Variants in ZNF761 observed in about 807,000 individuals in gnomAD.
ZNF761 encodes the protein zinc finger protein 761.
In ZNF761, 43 loss-of-function variants were observed where a neutral mutation model predicts 59.9. The ratio of observed to expected loss-of-function variants is 0.72; its 90% CI spans 0.56 to 0.92. The LOEUF (loss-of-function observed/expected upper bound fraction) is 0.92, where lower values mean the gene tolerates loss of function less well. ZNF761 is among the 40% of genes least tolerant of loss of function. The pLI is 0.00. For synonymous variants in ZNF761, 294 were observed against 304.8 expected (o/e 0.96, Z 0.37); for missense variants, 850 against 906.1 (o/e 0.94, Z 0.79).
chr19:53,455,192 C>T lies in ZNF761; in HGVS notation c.685C>T (p.Leu229Phe), dbSNP rs2086255310. Residue 229 changes from leucine (L) to phenylalanine (F), a missense_variant, in exon 5 of 5, where the codon CTC becomes TTC. Coordinates refer to ENST00000684525, the MANE Select transcript of ZNF761 (RefSeq NM_001289951.2). The part of the protein sequence containing the change: ...ESGKAFNYSS[L>F]LRKHQIIHLA... ...TGGCAAAGCCTTTAATTACAGCTCA[C>T]TCTTAAGGAAACATCAGATAATCCA... 1.9e-6 allele frequency: 3 copies of T among 1,614,062 alleles called. No individual in the cohort carries two copies. Among genetic ancestry groups the T allele is most frequent in the African/African-American group, 2.7e-5 (2 of 74,944 alleles).
At chr19:53,440,861 G>C (rs1398898787) in intron 1 of ZNF761, among the ~76,000 whole-genome samples, 1 of 152,056 alleles carries the variant, frequency 6.6e-6, no homozygotes, top group Non-Finnish European at 1.5e-5. Context: ...ATTTTTGGTA[G>C]AAACGCGTTT....
At chr19:53,453,597 C>T (rs940342448) in intron 4 of ZNF761, among the ~76,000 whole-genome samples, 3 of 152,160 alleles carry the variant, frequency 2.0e-5, no homozygotes, top group African/African-American at 7.2e-5. Context: ...ACAGTGCCAC[C>T]AGATGCTGTG....
chr19:53,441,437 G>T (rs555492129), intron 1 of ZNF761, among the ~76,000 whole-genome samples: 145 of 115,172 alleles, frequency 1.3e-3, no homozygotes, highest in African/African-American at 3.8e-3. Flanking sequence ...GTTAGTTTCG[G>T]GTTTTTTTGT....
At chr19:53,434,425 T>C (rs1049741190) in intron 1 of ZNF761, among the ~76,000 whole-genome samples, 9 of 152,262 alleles carry the variant, frequency 5.9e-5, no homozygotes, top group East Asian at 1.9e-4. Flanking sequence ...TCGGTAGGCC[T>C]GTGGCCCACA....
intron 2 of ZNF761, 52 bp from the exon 3 acceptor site, chr19:53,447,144 C>T (rs1313905774): frequency 6.3e-6 from 8 of 1,261,234 alleles, no homozygotes; most frequent in Admixed American, 2.0e-5. Flanking sequence ...TTGTGTTCCA[C>T]GGAGGTGGCG....
At position 53,455,933 on chromosome 19, in the gene ZNF761, C is replaced by G; in HGVS notation, c.1426C>G (p.Arg476Gly). 1.2e-6 allele frequency: 2 copies of G among 1,609,304 alleles called. No homozygotes were observed. Among genetic ancestry groups the G allele is most frequent in the Non-Finnish European group, 1.7e-6 (2 of 1,178,718 alleles). ...YKCEECDKAF[R>G]FKSNLERHRR... ...ATGTGAAGAATGTGACAAAGCTTTC[C>G]GTTTCAAATCAAACCTTGAAAGACA... is the stretch of plus-strand genomic sequence containing the variant. The change falls in exon 5 of 5, where the codon CGT (arginine) becomes GGT (glycine). Residue 476 changes from arginine to glycine, a missense_variant. Transcript: ENST00000684525.
intron 3 of ZNF761, among the ~76,000 whole-genome samples, chr19:53,448,855 C>G (rs964313484): frequency 1.3e-5 from 2 of 151,336 alleles, no homozygotes; most frequent in Admixed American, 1.3e-4. Context: ...TCATTGCAAC[C>G]TCTGCCTCCT....
chr19:53,444,389 C>T (rs56779132), intron 1 of ZNF761: 1 of 152,204 alleles, frequency 6.6e-6, no homozygotes, highest in East Asian at 1.9e-4. Context: ...CAATACTGCT[C>T]TTTACTGCAC....
At position 53,441,833 on chromosome 19, in the gene ZNF761, C is replaced by T. The variant is rs139068126; in HGVS notation, c.-184-4394C>T. 2.6e-4 allele frequency: 383 copies of T among 1,480,992 alleles called. No homozygotes were observed. In the East Asian group the frequency reaches 6.7e-3, roughly 26 times the overall value. The allele number at this position is 1,480,992 out of a possible 1,614,324, so 91.7% of individuals were successfully genotyped here. A position where few individuals can be genotyped will look rare whatever the true frequency, so the allele number is the denominator to read the frequency against. ...AATGCCGAGTGGAGGAAGGAGGAAC[C>T]GGAGTGTGAGCAGTAGCTGGGTGGG... On this transcript the variant is annotated intron_variant, in intron 1 of 4. Coordinates refer to ENST00000684525, the MANE Select transcript of ZNF761 (RefSeq NM_001289951.2).
In ZNF761 at chr19:53,441,451, T is replaced by C. The variant is rs542059122; in HGVS notation, c.-184-4776T>C. On this transcript the variant is annotated intron_variant, in intron 1 of 4. Transcript: ENST00000684525. ...TGTTAGTTTCGGGTTTTTTTGTTTT[T>C]TGTTTTTTTTTTTTTGGCAGAATCT... Among the ~76,000 whole-genome samples, 30 of 80,966 alleles carry C rather than the reference T, an allele frequency of 3.7e-4. 1 individual carries two copies. The South Asian group carries it at 0.014, about 39-fold the overall frequency. The allele number at this position is 80,966 out of a possible 152,430, so 53.1% of individuals were successfully genotyped here.
intron 1 of ZNF761, among the ~76,000 whole-genome samples, chr19:53,438,831 A>G (rs75739523): frequency 0.24 from 36,736 of 152,100 alleles, 5,304 homozygotes; most frequent in Non-Finnish European, 0.33. Flanking sequence ...CTTGCTTTCT[A>G]TAGGAGATGG....
rs935662992 is a variant in ZNF761 at position 53,437,231 on chromosome 19, A to G, written c.-185+5203A>G. Among the ~76,000 whole-genome samples the G allele has an allele frequency of 3.3e-5, 5 of 151,962 alleles. No homozygotes were observed. In the South Asian group the frequency reaches 6.2e-4, roughly 19 times the overall value. Reference sequence around the variant, plus strand: ...TACTAGGGAGGCTGAAGCAAAAGAAACACTTGAACCTGGGAAGCAGAGGTT... The same window carrying G: ...TACTAGGGAGGCTGAAGCAAAAGAAGCACTTGAACCTGGGAAGCAGAGGTT... On this transcript the variant is annotated intron_variant, in intron 1 of 4. Transcript: ENST00000684525.
Position 53,455,501 on chromosome 19 carries a change from G to T in ZNF761, c.994G>T (p.Gly332Cys). The change falls in exon 5 of 5, where the codon GGC becomes TGC. Residue 332 changes from glycine (G) to cysteine (C), a missense_variant. Coordinates refer to ENST00000684525, the MANE Select transcript of ZNF761 (RefSeq NM_001289951.2). ...EEKPYKCNEC[G>C]KTFRQKSILT... ...GAAACCATATAAGTGTAATGAGTGTGGCAAGACCTTTAGGCAGAAGTCAAT... is the reference window on the plus strand; with the variant it reads ...GAAACCATATAAGTGTAATGAGTGTTGCAAGACCTTTAGGCAGAAGTCAAT... 6.2e-7 allele frequency: 1 copy of T among 1,614,032 alleles called. No individual in the cohort carries two copies. Among genetic ancestry groups the T allele is most frequent in the Non-Finnish European group, 8.5e-7 (1 of 1,180,012 alleles).
chr19:53,447,937 G>A (rs113364934), intron 3 of ZNF761, among the ~76,000 whole-genome samples: 11 of 152,146 alleles, frequency 7.2e-5, no homozygotes, highest in Admixed American at 1.3e-4. Flanking sequence ...TGGTGTTACC[G>A]TGGAGAGGCT....
intron 1 of ZNF761, among the ~76,000 whole-genome samples, chr19:53,434,789 C>T (rs1317310262): frequency 6.6e-6 from 1 of 152,122 alleles, no homozygotes; most frequent in Non-Finnish European, 1.5e-5. Flanking sequence ...GGCCATTGGT[C>T]TACTATGTTC....
At chr19:53,452,589 C>T (rs2086231330) in intron 4 of ZNF761, among the ~76,000 whole-genome samples, 2 of 152,126 alleles carry the variant, frequency 1.3e-5, no homozygotes, top group Non-Finnish European at 2.9e-5. Context: ...ATAGCTTAAA[C>T]TGGGAGGCTT....
chr19:53,436,083 G>A (rs1009006214), intron 1 of ZNF761, among the ~76,000 whole-genome samples: 5 of 152,096 alleles, frequency 3.3e-5, no homozygotes, highest in African/African-American at 4.8e-5. Flanking sequence ...TCTCAGGATC[G>A]GCTGAGTTGG....
At chr19:53,437,604 G>T (rs1452398121) in intron 1 of ZNF761, among the ~76,000 whole-genome samples, 1 of 152,112 alleles carries the variant, frequency 6.6e-6, no homozygotes, top group Admixed American at 6.6e-5. Context: ...ATTGCTGCCT[G>T]CTTTGCCTCC....
At chr19:53,441,439 T>TTTTTTTG (rs2086098340) in intron 1 of ZNF761, among the ~76,000 whole-genome samples, 1 of 114,956 alleles carries the variant, frequency 8.7e-6, no homozygotes, top group African/African-American at 3.1e-5. Context: ...TAGTTTCGGG[T>TTTTTTTG]TTTTTTGTTT....
Sources: gnomAD v4.1 joint callset for allele counts (sites outside exome capture counted in the v4.1 genomes callset) on GRCh38, gnomAD v4.1.1 for gene constraint, MANE v1.5 for transcripts, NCBI Gene and HGNC (gene_info 2026-07-23, HGNC 2026-07-21) for gene names.